IL17REL: variants seen among roughly 807,000 people sequenced by gnomAD.
IL17REL encodes interleukin-17 receptor E-like protein.
Under a neutral mutation model 49.0 loss-of-function variants are expected in IL17REL, and 36 were observed. The observed-to-expected ratio is 0.73, with a 90% confidence interval of 0.56 to 0.97. IL17REL has a LOEUF of 0.97. Among genes scored for constraint, IL17REL ranks in the 50% least tolerant of loss-of-function variants. IL17REL has a pLI of 0.00. For missense variants in IL17REL, 470 were observed against 453.9 expected (o/e 1.04, Z -0.32); for synonymous variants, 206 against 192.4 (o/e 1.07, Z -0.58).
rs1340764901 is a variant in IL17REL at position 50,001,817 on chromosome 22, T to C, written c.-41-586A>G. Among the ~76,000 whole-genome samples, 3 of 152,144 alleles carry C rather than the reference T, an allele frequency of 2.0e-5. No individual in the cohort carries two copies. In the East Asian group the frequency reaches 5.8e-4, roughly 29 times the overall value. ...GGCTTTGCTCAGCCAGGTTTGCAGG[T>C]GGGACTCAGAGCAGAACTTCACGTG... On this transcript the variant is annotated intron_variant, in intron 1 of 12. Transcript: ENST00000341280.
rs928285660 is a variant in IL17REL at position 50,005,677 on chromosome 22, C to A, written c.-42+2960G>T. On this transcript the variant is annotated intron_variant, in intron 1 of 12. Transcript: ENST00000341280. ...ATTAGCTGGGCATGGTGCTGCTGGG[C>A]GCCTGTAATTCCAGCTACTTGAGAG... Among the ~76,000 whole-genome samples, 2 of 151,952 alleles carry A rather than the reference C, an allele frequency of 1.3e-5. 1 individual carries two copies. The highest frequency in any genetic ancestry group is 1.3e-4 in the Admixed American group (2 of 15,202).
chr22:50,009,877 C>T (rs114386419), upstream of IL17REL, among the ~76,000 whole-genome samples: 3,421 of 30,960 alleles, frequency 0.11, 141 homozygotes, highest in African/African-American at 0.31. Context: ...TCTGCAAAAC[C>T]TGGGGAGCCA....
chr22:49,993,397 C>T (rs908110220), downstream of IL17REL, among the ~76,000 whole-genome samples: 1 of 152,166 alleles, frequency 6.6e-6, no homozygotes, highest in African/African-American at 2.4e-5. The surrounding 1 kb of genome is among the most constrained non-coding windows in gnomAD (Gnocchi z 6.0). Context: ...TTTCTCCTGG[C>T]AGGTGTGGGG....
intron 10 of IL17REL, 87 bp from the exon 13 acceptor site, chr22:49,997,570 T>C (rs2061044564): frequency 7.2e-7 from 1 of 1,383,360 alleles, no homozygotes; most frequent in African/African-American, 1.4e-5. Context: ...GCCTGCCCAC[T>C]GTACCTCCCC....
downstream of IL17REL, chr22:49,994,440 G>C (rs2061021886): frequency 6.6e-6 from 1 of 152,360 alleles, no homozygotes; most frequent in Non-Finnish European, 1.5e-5. Context: ...GTCCAGCCTG[G>C]TGGGGATGGC....
In IL17REL at chr22:49,997,020, C is replaced by T. The variant is rs1247664493; in HGVS notation, c.*18G>A. On this transcript the variant is annotated 3_prime_UTR_variant, in exon 12 of 13. Transcript: ENST00000341280. Reference sequence around the variant, plus strand: ...TGGATGCAGATGCCTGGGGCACAGGCCTCCTCCCTGGGAAGGTCTAGGAAG... The same window carrying T: ...TGGATGCAGATGCCTGGGGCACAGGTCTCCTCCCTGGGAAGGTCTAGGAAG... 3.9e-6 allele frequency: 6 copies of T among 1,545,182 alleles called. No individual in the cohort carries two copies. In the Admixed American group the frequency reaches 8.7e-5, roughly 22 times the overall value.
chr22:49,996,930 G>T (rs921941858), intron 12 of IL17REL, 64 bp downstream of exon 14: 20 of 776,144 alleles, frequency 2.6e-5, no homozygotes, highest in South Asian at 1.7e-4. Context: ...GGGAAGGGGG[G>T]GTGTGAACTG....
chr22:50,000,016 C>T (rs1436040003), intron 4 of IL17REL, 49 bp from the exon 7 acceptor site: 8 of 1,428,006 alleles, frequency 5.6e-6, no homozygotes, highest in East Asian at 5.8e-5. Context: ...CGGTCACCGA[C>T]GCGGGGCTCT....
upstream of IL17REL, among the ~76,000 whole-genome samples, chr22:50,009,506 C>T (rs1177660546): frequency 6.6e-6 from 1 of 152,148 alleles, no homozygotes; most frequent in Non-Finnish European, 1.5e-5. Context: ...AGGGCAGGAC[C>T]CCCAGAGTCC....
At chr22:49,994,865 A>G (rs2061025540) in exon 13 of IL17REL, 1 of 152,396 alleles carries the variant, frequency 6.6e-6, no homozygotes, top group Non-Finnish European at 1.5e-5. Context: ...TGCACAGGCC[A>G]CTGCTGGGCA....
At chr22:50,003,092 C>T (rs13056642) in intron 1 of IL17REL, among the ~76,000 whole-genome samples, 42,407 of 151,966 alleles carry the variant, frequency 0.28, 6,053 homozygotes, top group Middle Eastern at 0.45. Context: ...TCTGGGCAGC[C>T]GGACCGAGTA....
At chr22:50,001,176 G>C (rs920539711) in exon 2 of IL17REL, 14 of 1,601,004 alleles carry the variant, frequency 8.7e-6, no homozygotes, top group African/African-American at 1.3e-5. Flanking sequence ...GGGCCTCCAG[G>C]ACTGACCTGG....
chr22:49,997,820 A>AG, intron 9 of IL17REL, 78 bp from the exon 12 acceptor site: 3 of 1,489,392 alleles, frequency 2.0e-6, no homozygotes, highest in Non-Finnish European at 2.8e-6. Flanking sequence ...GGACAGGGAC[A>AG]GGCTGGGTCA....
chr22:49,999,935 G>A (rs2061067993), exon 5 of IL17REL: 2 of 1,529,928 alleles, frequency 1.3e-6, no homozygotes, highest in African/African-American at 2.8e-5. Context: ...ATCGCCTTGC[G>A]CCTCCGGTCC....
chr22:50,000,586 C>G lies in IL17REL; in HGVS notation c.226G>C (p.Val76Leu), dbSNP rs372242814. ...CTCACCGCAAAGCAGCCAAAGTGCA[C>G]TTGGAGCTGAGCAGGTGCAGGTGTG... is the stretch of plus-strand genomic sequence containing the variant. Residue 76 changes from valine to leucine, a missense_variant, in exon 4 of 13, where the codon GTG becomes CTG. Physicochemically the swap from Val to Leu is conservative, Grantham distance 32. Transcript: ENST00000341280. 3.0e-5 allele frequency: 48 copies of G among 1,613,258 alleles called. No individual in the cohort carries two copies. The African/African-American group carries it at 6.1e-4, about 21-fold the overall frequency.
intron 5 of IL17REL, 25 bp from the exon 8 acceptor site, chr22:49,999,527 G>A: frequency 6.4e-7 from 1 of 1,570,594 alleles, no homozygotes. Flanking sequence ...GGGCGGCTGA[G>A]GGGCCGCGCG....
At chr22:50,011,216 C>T (rs554828755), upstream of IL17REL, among the ~76,000 whole-genome samples, 2 of 151,058 alleles carry the variant, frequency 1.3e-5, no homozygotes, top group Non-Finnish European at 3.0e-5. Flanking sequence ...CCTCCCTCAG[C>T]CCCGCCAAAC....
At chr22:49,999,434 C>T in exon 6 of IL17REL, 2 of 1,612,420 alleles carry the variant, frequency 1.2e-6, no homozygotes, top group Non-Finnish European at 1.7e-6. Flanking sequence ...CACCGACCTC[C>T]AGGCACAGGC....
exon 13 of IL17REL, chr22:49,996,774 C>A: frequency 2.0e-6 from 1 of 493,296 alleles, no homozygotes; most frequent in East Asian, 3.5e-5. Context: ...TCCTCGGCCT[C>A]CTGCGGCCCC....
Sources: allele counts gnomAD v4.1 joint callset (sites outside exome capture counted in the v4.1 genomes callset), GRCh38; gene constraint gnomAD v4.1.1; non-coding constraint Gnocchi (gnomAD v3.1); transcripts MANE v1.5; gene names NCBI Gene and HGNC (gene_info 2026-07-23, HGNC 2026-07-21).